The following LRRC7 variants were observed in gnomAD, a reference collection of about 807,000 sequenced individuals.
LRRC7 encodes leucine-rich repeat-containing protein 7.
A neutral mutation model predicts 175.7 loss-of-function variants in LRRC7; 23 were observed. The ratio of observed to expected loss-of-function variants is 0.13; its 90% CI spans 0.09 to 0.19. The LOEUF (loss-of-function observed/expected upper bound fraction) is 0.19, where lower values mean the gene tolerates loss of function less well. Ranked by LOEUF, LRRC7 falls within the 10% of genes least tolerant of loss-of-function variation. The pLI is 1.00. For missense variants in LRRC7, 1,354 were observed against 1,904.7 expected, an observed-to-expected ratio of 0.71 and a Z score of 5.38; for synonymous variants, 685 against 680.9, an observed-to-expected ratio of 1.01 and a Z score of -0.09.
intron 20 of LRRC7, among the ~76,000 whole-genome samples, chr1:70,037,099 C>A (rs1255653703): frequency 6.6e-6 from 1 of 152,132 alleles, no homozygotes; most frequent in East Asian, 1.9e-4. Context: ...CAAAATGCCT[C>A]CTCCTCTATA....
chr1:69,909,950 C>T (rs571114123), intron 7 of LRRC7, among the ~76,000 whole-genome samples: 4 of 152,268 alleles, frequency 2.6e-5, no homozygotes, highest in Admixed American at 2.6e-4. Context: ...TCCCATATTT[C>T]TTGGAGGCTT....
chr1:69,853,164 T>C (rs939397658), intron 7 of LRRC7, among the ~76,000 whole-genome samples: 1 of 152,062 alleles, frequency 6.6e-6, no homozygotes, highest in Non-Finnish European at 1.5e-5. Context: ...TGATTTATGA[T>C]TTATCTAAAA....
At chr1:69,984,189 G>T (rs1570909445) in intron 9 of LRRC7, among the ~76,000 whole-genome samples, 1 of 152,158 alleles carries the variant, frequency 6.6e-6, no homozygotes, top group African/African-American at 2.4e-5. Flanking sequence ...CTCCCAAAGT[G>T]CTGGGATTAC....
At chr1:69,936,159 A>C (rs1647995294) in intron 8 of LRRC7, among the ~76,000 whole-genome samples, 1 of 152,204 alleles carries the variant, frequency 6.6e-6, no homozygotes, top group South Asian at 2.1e-4. Flanking sequence ...ACATGATTGT[A>C]ATTAGCACAA....
chr1:70,036,919 C>T (rs1379466651), intron 20 of LRRC7, among the ~76,000 whole-genome samples: 1 of 152,082 alleles, frequency 6.6e-6, no homozygotes, highest in Non-Finnish European at 1.5e-5. Context: ...ATTGATGAGA[C>T]ATGGATGTTT....
chr1:69,793,092 T>A (rs1675309194), intron 4 of LRRC7, among the ~76,000 whole-genome samples: 1 of 152,104 alleles, frequency 6.6e-6, no homozygotes, highest in African/African-American at 2.4e-5. Context: ...TTTGGTTATA[T>A]TTAGTGCTGA....
At chr1:69,672,104 A>G (rs1439476506) in intron 1 of LRRC7, among the ~76,000 whole-genome samples, 1 of 152,158 alleles carries the variant, frequency 6.6e-6, no homozygotes, top group African/African-American at 2.4e-5. Flanking sequence ...GGTGTGCTGC[A>G]CCCATTAACT....
At chr1:69,935,152 G>T (rs1647867914) in intron 8 of LRRC7, among the ~76,000 whole-genome samples, 1 of 152,128 alleles carries the variant, frequency 6.6e-6, no homozygotes, top group African/African-American at 2.4e-5. Flanking sequence ...GGGAAGGAAG[G>T]CAGGGAGTAC....
chr1:69,922,887 C>T (rs558543490), intron 7 of LRRC7, among the ~76,000 whole-genome samples: 23 of 151,716 alleles, frequency 1.5e-4, no homozygotes, highest in African/African-American at 4.8e-4. Flanking sequence ...TGTATACATA[C>T]GCCATGCTGG....
intron 11 of LRRC7, among the ~76,000 whole-genome samples, chr1:70,002,243 A>C (rs1655604541): frequency 6.6e-6 from 1 of 152,150 alleles, no homozygotes; most frequent in Non-Finnish European, 1.5e-5. Context: ...AGGAATCAGA[A>C]AATCTAAGTG....
chr1:69,713,274 C>T (rs1243085493), intron 2 of LRRC7, among the ~76,000 whole-genome samples: 1 of 151,878 alleles, frequency 6.6e-6, no homozygotes, highest in Non-Finnish European at 1.5e-5. Flanking sequence ...TCACTTGAGC[C>T]TAGGAGTTCC....
intron 23 of LRRC7, among the ~76,000 whole-genome samples, chr1:70,063,208 G>A (rs894334405): frequency 6.6e-6 from 1 of 152,068 alleles, no homozygotes; most frequent in African/African-American, 2.4e-5. Flanking sequence ...AAATAAATTT[G>A]CCACAGATTA....
At chr1:69,703,281 A>G (rs1047598454) in intron 2 of LRRC7, among the ~76,000 whole-genome samples, 1 of 152,078 alleles carries the variant, frequency 6.6e-6, no homozygotes, top group Non-Finnish European at 1.5e-5. Flanking sequence ...TAAATAGATT[A>G]TTTACTTTCA....
chr1:69,953,731 G>A (rs950614112), intron 8 of LRRC7, among the ~76,000 whole-genome samples: 1 of 151,982 alleles, frequency 6.6e-6, no homozygotes, highest in Admixed American at 6.6e-5. Flanking sequence ...TCCTTGAAGA[G>A]CACTCATCTT....
Position 69,925,778 on chromosome 1 carries a change from GT to G in LRRC7, c.648-5722del, listed in dbSNP as rs377347021. Among the ~76,000 whole-genome samples the G allele has an allele frequency of 8.1e-3, 1,217 of 150,324 alleles. 13 individuals are homozygous for G. The highest frequency in any genetic ancestry group is 0.027 in the African/African-American group (1,098 of 40,702). ...CCTGGATTCATTAATTTTTTGAAGG[GT>G]TTTTTTGTGTCTCTATTTCCTTCAG... On this transcript the variant is annotated intron_variant, in intron 7 of 26. Coordinates refer to ENST00000651989, the MANE Select transcript of LRRC7 (RefSeq NM_001370785.2).
At chr1:69,572,083 T>C (rs1272792833) in intron 1 of LRRC7, among the ~76,000 whole-genome samples, 1 of 152,152 alleles carries the variant, frequency 6.6e-6, no homozygotes, top group Non-Finnish European at 1.5e-5. Flanking sequence ...TTAATTCAAA[T>C]CTGTGACATA....
chr1:69,664,068 G>A (rs1657919794), intron 1 of LRRC7, among the ~76,000 whole-genome samples: 1 of 152,128 alleles, frequency 6.6e-6, no homozygotes, highest in Non-Finnish European at 1.5e-5. Flanking sequence ...GTCTTTCTGT[G>A]CCTGACTTAT....
chr1:69,987,486 A>C (rs1654043879), intron 10 of LRRC7, among the ~76,000 whole-genome samples: 1 of 152,200 alleles, frequency 6.6e-6, no homozygotes, highest in African/African-American at 2.4e-5. Flanking sequence ...TCAGTCTTCT[A>C]TTAGCAATGT....
chr1:69,747,698 C>A (rs1382060945), intron 2 of LRRC7, among the ~76,000 whole-genome samples: 1 of 151,954 alleles, frequency 6.6e-6, no homozygotes, highest in African/African-American at 2.4e-5. Context: ...TCATTTATGG[C>A]ACTTATTACA....
Sources: gnomAD v4.1 joint callset for allele counts (sites outside exome capture counted in the v4.1 genomes callset) on GRCh38, gnomAD v4.1.1 for gene constraint, MANE v1.5 for transcripts, NCBI Gene and HGNC (gene_info 2026-07-23, HGNC 2026-07-21) for gene names.